AXL: variants seen among roughly 807,000 people sequenced by gnomAD.
AXL encodes the protein tyrosine-protein kinase receptor UFO.
A neutral mutation model predicts 104.5 loss-of-function variants in AXL; 52 were observed. The observed-to-expected ratio is 0.50, with a 90% confidence interval of 0.40 to 0.63. AXL has a LOEUF of 0.63. Among genes scored for constraint, AXL ranks in the 20% least tolerant of loss-of-function variants. AXL has a pLI of 0.00. For missense variants in AXL, 1,024 were observed against 1,188.5 expected, an observed-to-expected ratio of 0.86 and a Z score of 2.04; for synonymous variants, 455 against 473.7, an observed-to-expected ratio of 0.96 and a Z score of 0.51.
At chr19:41,223,288 C>T (rs2033825492) in intron 4 of AXL, among the ~76,000 whole-genome samples, 1 of 152,150 alleles carries the variant, frequency 6.6e-6, no homozygotes, top group Admixed American at 6.6e-5. Context: ...GAGCAAGACT[C>T]TGTCTCAAAA....
At chr19:41,251,942 T>C (rs528800511) in intron 14 of AXL, among the ~76,000 whole-genome samples, 1 of 150,428 alleles carries the variant, frequency 6.6e-6, no homozygotes, top group African/African-American at 2.4e-5. Context: ...TGAAACCCCG[T>C]CTCTACTAAA....
At chr19:41,246,489 G>GC (rs34950740) in intron 12 of AXL, among the ~76,000 whole-genome samples, 53,584 of 149,906 alleles carry the variant, frequency 0.36, 10,268 homozygotes, top group African/African-American at 0.49. Flanking sequence ...TTCTTTTGAG[G>GC]CCAGGAGTTT....
At chr19:41,253,731 C>CG (rs762734019) in intron 17 of AXL, 23 bp downstream of exon 17, 1 of 1,535,044 alleles carries the variant, frequency 6.5e-7, no homozygotes, top group South Asian at 1.2e-5. Flanking sequence ...CAGGGACCCC[C>CG]CCCCCCCAAC....
intron 4 of AXL, among the ~76,000 whole-genome samples, chr19:41,226,461 C>T (rs1280795590): frequency 6.6e-6 from 1 of 152,228 alleles, no homozygotes; most frequent in African/African-American, 2.4e-5. Flanking sequence ...GGCACCTGAC[C>T]TTGTCTGGGA....
At chr19:41,220,235 C>T (rs1218358543) in intron 1 of AXL, among the ~76,000 whole-genome samples, 3 of 103,266 alleles carry the variant, frequency 2.9e-5, no homozygotes, top group African/African-American at 8.7e-5. Context: ...TCCGCCACCA[C>T]CCTTATCTCC....
At chr19:41,247,998 T>C in intron 12 of AXL, among the ~76,000 whole-genome samples, 1 of 151,974 alleles carries the variant, frequency 6.6e-6, no homozygotes, top group Non-Finnish European at 1.5e-5. Context: ...TCTCAGCTCA[T>C]TGCAACCTCT....
At chr19:41,226,880 G>A (rs1279481732) in intron 4 of AXL, 4 of 855,170 alleles carry the variant, frequency 4.7e-6, no homozygotes, top group Non-Finnish European at 4.2e-6. Flanking sequence ...GATCGCTTGG[G>A]GCCAGAAGTT....
Position 41,257,492 on chromosome 19 carries a change from G to A in AXL, c.2197-1G>A. 1 of 1,614,148 alleles carries A rather than the reference G, an allele frequency of 6.2e-7. No individual in the cohort carries two copies. Among genetic ancestry groups the A allele is most frequent in the Non-Finnish European group, 8.5e-7 (1 of 1,180,024 alleles). ...TGTCTAATTCCCTCTGCCCCTCACA[G>A]TGGTCCTTCGGGGTGACAATGTGGG... On this transcript the variant is annotated splice_acceptor_variant, in intron 18 of 19. Transcript: ENST00000301178. LOFTEE classifies it high-confidence loss of function.
chr19:41,223,688 T>C (rs571926462), intron 4 of AXL, among the ~76,000 whole-genome samples: 7 of 152,242 alleles, frequency 4.6e-5, no homozygotes, highest in South Asian at 4.1e-4. Context: ...GTGAGCATGC[T>C]GACCCCAGAG....
chr19:41,220,956 G>A (rs949899665), intron 2 of AXL, 98 bp downstream of exon 2: 11 of 1,413,212 alleles, frequency 7.8e-6, no homozygotes, highest in Admixed American at 6.4e-5. Context: ...CTTGTCAGCC[G>A]TGCGGCTTTG....
rs777619818 is a variant in AXL at position 41,231,277 on chromosome 19, C to A, written c.762C>A (p.Pro254=). The change falls in exon 6 of 20, where the codon CCC becomes CCA. Residue 254 remains proline (P), a synonymous_variant. Transcript: ENST00000301178. The part of the protein sequence containing the change: ...AWTPGLSGIY[P]LTHCTLQAVL... ...CTCCAGGCCTGAGCGGCATCTACCC[C>A]CTGACCCACTGCACCCTGCAGGTGA... The A allele has an allele frequency of 3.1e-6, 5 of 1,613,666 alleles. No homozygotes were observed. The highest frequency in any genetic ancestry group is 4.2e-6 in the Non-Finnish European group (5 of 1,179,716).
chr19:41,233,215 C>T (rs2034022595), intron 6 of AXL, among the ~76,000 whole-genome samples: 1 of 152,016 alleles, frequency 6.6e-6, no homozygotes, highest in Admixed American at 6.6e-5. Context: ...GTCTCGAACT[C>T]TTGACCTCAA....
At chr19:41,249,358 G>A (rs2034323845) in intron 14 of AXL, among the ~76,000 whole-genome samples, 1 of 152,218 alleles carries the variant, frequency 6.6e-6, no homozygotes, top group Non-Finnish European at 1.5e-5. Flanking sequence ...GGGACACTGA[G>A]GTGGGAGAAT....
intron 12 of AXL, among the ~76,000 whole-genome samples, chr19:41,245,443 G>A (rs1048925442): frequency 6.6e-6 from 1 of 152,168 alleles, no homozygotes; most frequent in African/African-American, 2.4e-5. Context: ...TGTTCTTTCG[G>A]CTGGGTGCAG....
rs569492359 is a variant in AXL, at chr19:41,239,103, A to G, written c.1135-61A>G. The G allele has an allele frequency of 2.5e-6, 4 of 1,594,426 alleles. No homozygotes were observed. The African/African-American group carries it at 5.4e-5, about 21-fold the overall frequency. On this transcript the variant is annotated intron_variant, in intron 8 of 19. Transcript: ENST00000301178. The stretch of plus-strand genomic sequence containing the variant: ...AAAGAGATGGGGCATTGAGCCCGAG[A>G]GTGAAGGCTTAACAGCTGGGGGGTA...
At chr19:41,243,481 C>T in intron 11 of AXL, 135 bp from the exon 12 acceptor site, 1 of 753,862 alleles carries the variant, frequency 1.3e-6, no homozygotes, top group Non-Finnish European at 2.4e-6. Context: ...GGTAGCTGCC[C>T]AAGGCATGCT....
chr19:41,232,821 C>T (rs1295855908), intron 6 of AXL, among the ~76,000 whole-genome samples: 2 of 151,812 alleles, frequency 1.3e-5, no homozygotes, highest in East Asian at 1.9e-4. Context: ...CGCTGTGCAC[C>T]GGGTCTTGCA....
Position 41,248,761 on chromosome 19 carries a change from T to C in AXL, c.1652T>C (p.Met551Thr). 3 of 1,614,112 alleles carry C rather than the reference T, an allele frequency of 1.9e-6. No individual in the cohort carries two copies. The highest frequency in any genetic ancestry group is 2.2e-5 in the East Asian group (1 of 44,872). ...CCCACAGGAGAGTTTGGAGCTGTGA[T>C]GGAAGGCCAGCTCAACCAGGACGAC... ...TLGEGEFGAV[M>T]EGQLNQDDSI... The change falls in exon 14 of 20, where the codon ATG becomes ACG. Residue 551 changes from methionine (M) to threonine (T), a missense_variant. Physicochemically the swap from Met to Thr is moderately conservative, Grantham distance 81. Coordinates refer to ENST00000301178, the MANE Select transcript of AXL (RefSeq NM_021913.5).
At chr19:41,228,498 G>A (rs947349099) in intron 4 of AXL, among the ~76,000 whole-genome samples, 2 of 152,114 alleles carry the variant, frequency 1.3e-5, no homozygotes. Flanking sequence ...AGGTTGCAGT[G>A]AGCCAAGATC....
Sources: gnomAD v4.1 joint callset for allele counts (sites outside exome capture counted in the v4.1 genomes callset) on GRCh38, gnomAD v4.1.1 for gene constraint, MANE v1.5 for transcripts, NCBI Gene and HGNC (gene_info 2026-07-23, HGNC 2026-07-21) for gene names.